The following UBR3 variants were observed in gnomAD, a reference collection of about 807,000 sequenced individuals.
UBR3 encodes ubiquitin protein ligase E3 component n-recognin 3, also known as E3 ubiquitin-protein ligase UBR3.
UBR3 carries 85 observed loss-of-function variants against 243.2 expected under a neutral mutation model. That is an observed-to-expected ratio of 0.35 (90% confidence interval 0.29 to 0.42). The LOEUF is 0.42. Ranked by LOEUF, UBR3 falls within the 10% of genes least tolerant of loss-of-function variation. UBR3 has a pLI of 1.00. For missense variants in UBR3, 1,686 were observed against 2,300.8 expected (o/e 0.73, Z 5.47); for synonymous variants, 748 against 799.8 (o/e 0.94, Z 1.09).
intron 1 of UBR3, among the ~76,000 whole-genome samples, chr2:169,843,561 C>T (rs2082368429): frequency 6.6e-6 from 1 of 152,210 alleles, no homozygotes; most frequent in Admixed American, 6.5e-5. Flanking sequence ...GTAACATATT[C>T]AAACCATAAC....
intron 33 of UBR3, 32 bp from the exon 34 acceptor site, chr2:170,061,047 G>T: frequency 1.5e-6 from 2 of 1,354,692 alleles, no homozygotes; most frequent in South Asian, 3.2e-5. Context: ...AATTTTCAGT[G>T]ACCAGTGTAA....
At chr2:170,067,388 G>T (rs2091596521) in intron 35 of UBR3, among the ~76,000 whole-genome samples, 1 of 152,132 alleles carries the variant, frequency 6.6e-6, no homozygotes, top group Non-Finnish European at 1.5e-5. Flanking sequence ...TGACAGAATT[G>T]AAGGAAGAAA....
At chr2:170,056,036 CTCTG>C (rs1259696604) in intron 33 of UBR3, among the ~76,000 whole-genome samples, 31 of 61,740 alleles carry the variant, frequency 5.0e-4, no homozygotes, top group Admixed American at 1.9e-3. Context: ...GTGGCAGACT[CTCTG>C]TCTGTCACCT....
intron 1 of UBR3, among the ~76,000 whole-genome samples, chr2:169,867,706 T>C (rs1016754289): frequency 6.6e-6 from 1 of 152,234 alleles, no homozygotes; most frequent in Non-Finnish European, 1.5e-5. Context: ...GATCAAAAAC[T>C]GTTTTTATAT....
At chr2:170,025,599 A>G (rs1370987506) in intron 30 of UBR3, among the ~76,000 whole-genome samples, 1 of 152,218 alleles carries the variant, frequency 6.6e-6, no homozygotes, top group African/African-American at 2.4e-5. Context: ...CAATTATGAG[A>G]TATTGTGAAC....
chr2:170,052,792 C>T (rs752426925), intron 32 of UBR3, among the ~76,000 whole-genome samples: 5 of 152,214 alleles, frequency 3.3e-5, no homozygotes, highest in Non-Finnish European at 4.4e-5. Flanking sequence ...CTGTAATATT[C>T]TCTTGTATAC....
intron 5 of UBR3, among the ~76,000 whole-genome samples, chr2:169,878,819 C>T (rs1047193913): frequency 1.3e-5 from 2 of 152,072 alleles, no homozygotes; most frequent in African/African-American, 4.8e-5. Flanking sequence ...GTTTATAATT[C>T]ATTTTTCTTT....
chr2:169,938,865 ATT>A (rs1323533464), intron 19 of UBR3, among the ~76,000 whole-genome samples: 1 of 151,964 alleles, frequency 6.6e-6, no homozygotes, highest in African/African-American at 2.4e-5. Flanking sequence ...GTCCAACTTA[ATT>A]CTTATTCATG....
intron 23 of UBR3, among the ~76,000 whole-genome samples, chr2:169,950,926 A>G (rs912725161): frequency 6.6e-6 from 1 of 150,776 alleles, no homozygotes; most frequent in Non-Finnish European, 1.5e-5. Context: ...ATGAGTGTAC[A>G]CAGGCTAAAA....
At chr2:169,955,118 T>C (rs2087218211) in intron 23 of UBR3, among the ~76,000 whole-genome samples, 2 of 152,226 alleles carry the variant, frequency 1.3e-5, no homozygotes, top group African/African-American at 4.8e-5. Context: ...TGTTTTCTTT[T>C]CATTGTATCC....
In UBR3 at chr2:169,926,928, T is replaced by G; in HGVS notation, c.2295T>G (p.Ala765=). The G allele has an allele frequency of 6.4e-7, 1 of 1,551,136 alleles. No homozygotes were observed. The highest frequency in any genetic ancestry group is 2.4e-5 in the East Asian group (1 of 40,900). ...AEHERSMLEG[A]LTFLVILLSL... ...ATGAGAGGTCGATGTTAGAAGGCGCTCTTACATTTCTTGTGATTCTTTTGA... is the reference window on the plus strand; with the variant it reads ...ATGAGAGGTCGATGTTAGAAGGCGCGCTTACATTTCTTGTGATTCTTTTGA... Residue 765 remains alanine (A), a synonymous_variant, in exon 16 of 39, where the codon GCT becomes GCG. Coordinates refer to ENST00000272793, the MANE Select transcript of UBR3 (RefSeq NM_172070.4).
At chr2:169,969,515 A>G (rs962285430) in intron 24 of UBR3, among the ~76,000 whole-genome samples, 4 of 143,344 alleles carry the variant, frequency 2.8e-5, no homozygotes, top group Admixed American at 2.1e-4. Flanking sequence ...ATGTGTATTT[A>G]TTTCTGTGTT....
rs1259725866 is a variant in UBR3, at chr2:170,055,452, T to C, written c.4661-8T>C. The stretch of plus-strand genomic sequence containing the variant: ...TCCAAAGAAATAATGATTTTTTTTC[T>C]CTTGCAGACCACTTTACCTGCATTG... On this transcript the variant is annotated splice_region_variant and splice_polypyrimidine_tract_variant and intron_variant, in intron 32 of 38. Transcript: ENST00000272793. The C allele has an allele frequency of 6.2e-7, 1 of 1,608,062 alleles. No homozygotes were observed. Among genetic ancestry groups the C allele is most frequent in the South Asian group, 1.1e-5 (1 of 89,254 alleles).
chr2:170,051,254 A>G (rs1259847516), intron 32 of UBR3, among the ~76,000 whole-genome samples: 1 of 152,214 alleles, frequency 6.6e-6, no homozygotes, highest in Non-Finnish European at 1.5e-5. Context: ...CAAATGGACT[A>G]AAACCAGAAA....
rs181776469 is a variant in UBR3, at chr2:169,999,723, G to A, written c.3919-1581G>A. Among the ~76,000 whole-genome samples the A allele has an allele frequency of 1.8e-3, 281 of 152,220 alleles. 4 individuals carry two copies. Among genetic ancestry groups the A allele is most frequent in the East Asian group, 7.7e-4 (4 of 5,180 alleles). On this transcript the variant is annotated intron_variant, in intron 26 of 38. Coordinates refer to ENST00000272793, the MANE Select transcript of UBR3 (RefSeq NM_172070.4). ...TGAAAATTCTAAGAAAGAGATTTTA[G>A]GAGAATAAGTCTTCAGCCTATTTAT... is the stretch of plus-strand genomic sequence containing the variant.
At chr2:169,988,763 T>C (rs1186696715) in intron 25 of UBR3, among the ~76,000 whole-genome samples, 2 of 152,028 alleles carry the variant, frequency 1.3e-5, no homozygotes, top group Non-Finnish European at 2.9e-5. Context: ...GATTGCACTC[T>C]AGCCTGCGTG....
chr2:169,829,602 T>G (rs553764267), intron 1 of UBR3, among the ~76,000 whole-genome samples: 2 of 152,058 alleles, frequency 1.3e-5, no homozygotes, highest in Admixed American at 1.3e-4. Flanking sequence ...TTTGTATTTT[T>G]TTAGTAGAGA....
At chr2:169,875,258 CT>C (rs1400110668) in intron 2 of UBR3, among the ~76,000 whole-genome samples, 1 of 152,076 alleles carries the variant, frequency 6.6e-6, no homozygotes, top group African/African-American at 2.4e-5. Context: ...TAAATACTAT[CT>C]TTTTTTGAAA....
At chr2:169,868,338 T>C (rs2083325587) in intron 1 of UBR3, among the ~76,000 whole-genome samples, 1 of 152,214 alleles carries the variant, frequency 6.6e-6, no homozygotes. Flanking sequence ...ATTTACTTTT[T>C]TTAAATTTTT....
Sources: allele counts gnomAD v4.1 joint callset (sites outside exome capture counted in the v4.1 genomes callset), GRCh38; gene constraint gnomAD v4.1.1; transcripts MANE v1.5; gene names NCBI Gene and HGNC (gene_info 2026-07-23, HGNC 2026-07-21).